DHRS7: variants seen among roughly 807,000 people sequenced by gnomAD.
The protein encoded by DHRS7 is dehydrogenase/reductase SDR family member 7.
Under a neutral mutation model 38.9 loss-of-function variants are expected in DHRS7, and 34 were observed. The observed-to-expected ratio is 0.87, with a 90% CI of 0.66 to 1.16. The LOEUF (loss-of-function observed/expected upper bound fraction) is 1.16. DHRS7 is among the 50% of genes most tolerant of loss of function. DHRS7 has a pLI of 0.00. For synonymous variants in DHRS7, 158 were observed against 153.1 expected, an observed-to-expected ratio of 1.03 and a Z score of -0.24; for missense variants, 421 against 407.0, an observed-to-expected ratio of 1.03 and a Z score of -0.30.
chr14:60,168,780 C>T (rs1325833038), upstream of DHRS7: 1 of 1,540,896 alleles, frequency 6.5e-7, no homozygotes, highest in Non-Finnish European at 8.7e-7. Flanking sequence ...CTTCTTAAAT[C>T]ATACTCCATC....
At position 60,146,308 on chromosome 14, in the gene DHRS7, C is replaced by T. The variant is rs1896404824; in HGVS notation, c.973-1295G>A. On this transcript the variant is annotated intron_variant, in intron 6 of 6. Transcript: ENST00000557185. The surrounding 1 kb of genome is among the most constrained non-coding windows in gnomAD (Gnocchi z 4.9). ...TATTCTCTAAACAAAACAAAATATC[C>T]TTCATATGGACATTTCTGGAAGTAC... 5.9e-5 allele frequency: 9 copies of T among 151,900 alleles called. No individual in the cohort carries two copies. The South Asian group carries it at 1.9e-3, about 32-fold the overall frequency. 9.4% of individuals were successfully genotyped at this position (151,900 alleles called of 1,614,324 possible). A position where few individuals can be genotyped will look rare whatever the true frequency, so the allele number is the denominator to read the frequency against.
upstream of DHRS7, chr14:60,165,524 T>A: frequency 7.8e-7 from 1 of 1,282,420 alleles, no homozygotes; most frequent in Non-Finnish European, 9.8e-7. The surrounding 1 kb of genome is among the most constrained non-coding windows in gnomAD (Gnocchi z 4.6). Context: ...CGCGCCCTCA[T>A]GCGGCACACC....
In DHRS7 at chr14:60,149,362, C is replaced by T. The variant is rs966403262; in HGVS notation, c.963G>A (p.Lys321=). 2.5e-6 allele frequency: 4 copies of T among 1,614,166 alleles called. No homozygotes were observed. The Admixed American group carries it at 6.7e-5, about 27-fold the overall frequency. ...KMGKKRIENF[K]SGVDADSSYF... is the part of the protein sequence containing the mutation. ...TAGAAATTGGTCTTACCACACCACTCTTAAAGTTCTCAATCCTTTTCTTCC... is the reference window on the plus strand; with the variant it reads ...TAGAAATTGGTCTTACCACACCACTTTTAAAGTTCTCAATCCTTTTCTTCC... The change falls in exon 6 of 7, where the codon AAG becomes AAA. Residue 321 remains lysine (K), a synonymous_variant. Transcript: ENST00000557185.
Position 60,160,634 on chromosome 14 carries a change from A to T in DHRS7, c.134-4482T>A, listed in dbSNP as rs1448993381. Among the ~76,000 whole-genome samples, 3 of 152,106 alleles carry T rather than the reference A, an allele frequency of 2.0e-5. No homozygotes were observed. In the East Asian group the frequency reaches 5.8e-4, roughly 29 times the overall value. ...GGCCTGGCTCTGTCACCCAAGCTGG[A>T]GTGCAGTGGCATGATCTTGGCTCCC... On this transcript the variant is annotated intron_variant, in intron 1 of 6. Transcript: ENST00000557185.
rs142725427 is a variant in DHRS7, at chr14:60,153,036, T to C, written c.536A>G (p.Glu179Gly). Residue 179 changes from glutamate (E) to glycine (G), a missense_variant, in exon 4 of 7, where the codon GAG becomes GGG. Coordinates refer to ENST00000557185, the MANE Select transcript of DHRS7 (RefSeq NM_016029.4). The surrounding 1 kb of genome is among the most constrained non-coding windows in gnomAD (Gnocchi z 4.4). ...AGTAACAATCTTTCCTTGCTTCCTC[T>C]CGATCATGTGAGGCAGAACACATTT... ...LTKCVLPHMI[E>G]RKQGKIVTVN... 7.7e-5 allele frequency: 124 copies of C among 1,614,170 alleles called. No homozygotes were observed. In the African/African-American group the frequency reaches 1.5e-3, roughly 19 times the overall value.
rs936632313 is a variant in DHRS7 at position 60,146,336 on chromosome 14, C to G, written c.973-1323G>C. 6.6e-6 allele frequency: 1 copy of G among 152,018 alleles called. No homozygotes were observed. Among genetic ancestry groups the G allele is most frequent in the Non-Finnish European group, 1.5e-5 (1 of 67,992 alleles). 9.4% of individuals were successfully genotyped at this position (152,018 alleles called of 1,614,324 possible). A position where few individuals can be genotyped will look rare whatever the true frequency, so the allele number is the denominator to read the frequency against. ...CATATGGACATTTCTGGAAGTACTA[C>G]TACAGTGGGACTGAAATTCTCTAGT... On this transcript the variant is annotated intron_variant, in intron 6 of 6. Transcript: ENST00000557185. The surrounding 1 kb of genome is among the most constrained non-coding windows in gnomAD (Gnocchi z 4.9).
intron 1 of DHRS7, among the ~76,000 whole-genome samples, chr14:60,158,091 G>A (rs1330397738): frequency 2.0e-5 from 3 of 151,928 alleles, no homozygotes; most frequent in Non-Finnish European, 2.9e-5. Flanking sequence ...AAATTAGCCA[G>A]GTGTGGTGGC....
chr14:60,168,557 G>T, upstream of DHRS7: 1 of 1,106,576 alleles, frequency 9.0e-7, no homozygotes, highest in South Asian at 1.8e-5. Flanking sequence ...GCAACTTCCT[G>T]TGAATCTATA....
chr14:60,150,137 T>G lies in DHRS7; in HGVS notation c.684A>C (p.Ile228=). Residue 228 remains isoleucine, a synonymous_variant, in exon 5 of 7, where the codon ATA becomes ATC. Coordinates refer to ENST00000557185, the MANE Select transcript of DHRS7 (RefSeq NM_016029.4). The part of the protein sequence containing the change: ...RTELATYPGI[I]VSNICPGPVQ... ...CAGGTCCTGGGCAAATGTTAGAAAC[T>G]ATTATACCTGGGTATGTGGCAAGTT... 1 of 1,602,460 alleles carries G rather than the reference T, an allele frequency of 6.2e-7. No homozygotes were observed. The highest frequency in any genetic ancestry group is 8.5e-7 in the Non-Finnish European group (1 of 1,176,446).
At chr14:60,150,033 C>A in intron 5 of DHRS7, 32 bp downstream of exon 5, 1 of 1,590,170 alleles carries the variant, frequency 6.3e-7, no homozygotes, top group South Asian at 1.2e-5. Flanking sequence ...AACTAGTAAA[C>A]ATTCAAATTA....
At position 60,155,585 on chromosome 14, in the gene DHRS7, A is replaced by G; in HGVS notation, c.286+415T>C. ...TTCCATTCCTGTTCTTTTATCCTAT[A>G]TAATAAGTCTTATCCCATATGATTT... On this transcript the variant is annotated intron_variant, in intron 2 of 6. Coordinates refer to ENST00000557185, the MANE Select transcript of DHRS7 (RefSeq NM_016029.4). Among the ~76,000 whole-genome samples, 2 of 152,186 alleles carry G rather than the reference A, an allele frequency of 1.3e-5. 1 individual carries two copies.
At chr14:60,154,166 A>C in intron 2 of DHRS7, 101 bp from the exon 3 acceptor site, 1 of 835,770 alleles carries the variant, frequency 1.2e-6, no homozygotes, top group Non-Finnish European at 1.9e-6. Flanking sequence ...TTGGCAACAA[A>C]CTCATTTCTG....
chr14:60,165,446 G>A (rs1195520000), upstream of DHRS7: 104 of 1,370,938 alleles, frequency 7.6e-5, 1 homozygote, highest in South Asian at 1.4e-3. This position sits in a 1 kb window ranked among gnomAD's most constrained non-coding sequence, Gnocchi z 4.6. Flanking sequence ...GGAGCAGGCC[G>A]GGAGGAGGAG....
rs747568253 is a variant in DHRS7 at position 60,165,179 on chromosome 14, G to A, written c.131C>T (p.Pro44Leu). 12 of 1,611,682 alleles carry A rather than the reference G, an allele frequency of 7.4e-6. No individual in the cohort carries two copies. In the East Asian group the frequency reaches 2.5e-4, roughly 33 times the overall value. The stretch of plus-strand genomic sequence containing the variant: ...GAGAGGCTTTGGCCGGTCCTCACCT[G>A]GGCGTCGTCCCTGCCACTCGGCCCA... ...LLWAEWQGRR[P>L]EWELTDMVVW... Residue 44 changes from proline to leucine, a missense_variant and splice_region_variant, in exon 1 of 7, where the codon CCA (proline) becomes CTA (leucine). Physicochemically the swap from Pro to Leu is moderately conservative, Grantham distance 98 (BLOSUM62 -3). Coordinates refer to ENST00000557185, the MANE Select transcript of DHRS7 (RefSeq NM_016029.4). This position sits in a 1 kb window ranked among gnomAD's most constrained non-coding sequence, Gnocchi z 4.6.
In DHRS7 at chr14:60,160,719, GA is replaced by G. The variant is rs369433161; in HGVS notation, c.133+4457del. On this transcript the variant is annotated intron_variant, in intron 1 of 6. Coordinates refer to ENST00000557185, the MANE Select transcript of DHRS7 (RefSeq NM_016029.4). ...CCACCTCAGCCTCCCAAGTAGCTGG[GA>G]CTACAGGCGTGTACCATCATGCCCG... 7.1e-3 allele frequency among the ~76,000 whole-genome samples: 1,079 copies of G among 152,168 alleles called. 9 individuals carry two copies. The highest frequency in any genetic ancestry group is 0.024 in the African/African-American group (1,013 of 41,526).
intron 2 of DHRS7, among the ~76,000 whole-genome samples, 164 bp from the exon 3 acceptor site, chr14:60,154,229 A>G (rs944947019): frequency 6.6e-6 from 1 of 151,898 alleles, no homozygotes; most frequent in Non-Finnish European, 1.5e-5. Context: ...TAGTGGTTAT[A>G]TCAGACAAAA....
intron 4 of DHRS7, among the ~76,000 whole-genome samples, chr14:60,151,098 A>G (rs750921541): frequency 6.6e-6 from 1 of 152,226 alleles, no homozygotes; most frequent in Non-Finnish European, 1.5e-5. Flanking sequence ...AGAAAGTATC[A>G]GAAAGAATGA....
At chr14:60,166,214 G>T, upstream of DHRS7, 1 of 985,054 alleles carries the variant, frequency 1.0e-6, no homozygotes, top group Non-Finnish European at 1.2e-6. Flanking sequence ...TGTATTTGAG[G>T]CATCAATAGT....
rs1896592266 is a variant in DHRS7 at position 60,153,507 on chromosome 14, C to T, written c.394-329G>A. 6.6e-6 allele frequency among the ~76,000 whole-genome samples: 1 copy of T among 152,008 alleles called. No homozygotes were observed. The highest frequency in any genetic ancestry group is 6.6e-5 in the Admixed American group (1 of 15,256). On this transcript the variant is annotated intron_variant, in intron 3 of 6. Transcript: ENST00000557185. This position sits in a 1 kb window ranked among gnomAD's most constrained non-coding sequence, Gnocchi z 4.4. ...GTCAGGAGTTCAAGACCAGCCTGAC[C>T]AACATGGTGAAACCCCATCTCTACT... is the stretch of plus-strand genomic sequence containing the variant.
Sources: gnomAD v4.1 joint callset for allele counts (sites outside exome capture counted in the v4.1 genomes callset) on GRCh38, gnomAD v4.1.1 for gene constraint, Gnocchi (gnomAD v3.1) non-coding constraint, MANE v1.5 for transcripts, NCBI Gene and HGNC (gene_info 2026-07-23, HGNC 2026-07-21) for gene names.